The following TMEM165 variants were observed in gnomAD, a reference collection of about 807,000 sequenced individuals.
The protein encoded by TMEM165 is putative divalent cation/proton antiporter TMEM165.
Under a neutral mutation model 30.0 loss-of-function variants are expected in TMEM165, and 19 were observed. That is an observed-to-expected ratio of 0.63 (90% CI 0.44 to 0.93). TMEM165 has a LOEUF of 0.93. TMEM165 is among the 40% of genes least tolerant of loss of function. The pLI is 0.00. For missense variants in TMEM165, 340 were observed against 417.0 expected (o/e 0.82, Z 1.61); for synonymous variants, 168 against 162.9 (o/e 1.03, Z -0.24).
At chr4:55,419,259 T>C (rs1721867343) in intron 4 of TMEM165, among the ~76,000 whole-genome samples, 1 of 152,162 alleles carries the variant, frequency 6.6e-6, no homozygotes, top group African/African-American at 2.4e-5. Context: ...ATAATCCTTC[T>C]GGGATTATAG....
intron 1 of TMEM165, among the ~76,000 whole-genome samples, chr4:55,400,272 A>ATATATTATATATAATATTAT (rs1720911094): frequency 1.2e-5 from 1 of 83,174 alleles, no homozygotes; most frequent in African/African-American, 4.7e-5. Context: ...TATAATATAT[A>ATATATTATATATAATATTAT]ATATAATATT....
chr4:55,435,278 T>C (rs1233813338), intron 3 of TMEM165: 1 of 1,032,050 alleles, frequency 9.7e-7, no homozygotes, highest in African/African-American at 1.6e-5. Context: ...CTCTGCCAAC[T>C]AATTCCAGGA....
At chr4:55,435,711 A>G (rs978570626) in intron 3 of TMEM165, 4 of 1,020,436 alleles carry the variant, frequency 3.9e-6, no homozygotes, top group Non-Finnish European at 3.0e-6. Context: ...TACATAATGC[A>G]TATCACTTTC....
intron 3 of TMEM165, among the ~76,000 whole-genome samples, chr4:55,450,781 A>C (rs1391739199): frequency 6.8e-6 from 1 of 148,076 alleles, no homozygotes; most frequent in Non-Finnish European, 1.5e-5. Flanking sequence ...AAAAAAAAAA[A>C]CATTAACTCA....
At chr4:55,410,692 T>C (rs1179007611) in intron 1 of TMEM165, among the ~76,000 whole-genome samples, 1 of 152,356 alleles carries the variant, frequency 6.6e-6, no homozygotes, top group East Asian at 1.9e-4. Context: ...TCTTACTCTG[T>C]CCTTCAGAGT....
intron 3 of TMEM165, among the ~76,000 whole-genome samples, chr4:55,437,836 T>C (rs1307254607): frequency 2.6e-5 from 4 of 152,184 alleles, no homozygotes; most frequent in African/African-American, 9.7e-5. Context: ...TCCTCTGATA[T>C]TAATTTACAA....
Position 55,445,116 on chromosome 4 carries a change from CTCAA to C in TMEM165, c.409-7122_409-7119del, listed in dbSNP as rs1385801846. On this transcript the variant is annotated intron_variant, in intron 3 of 3. Coordinates refer to the TMEM165 transcript ENST00000608091. Reference sequence around the variant, plus strand: ...GCCAACGGGAAGCTTTTAATATTTTCTCAACCACGTTTAACATATGATATGGTCT... The same window carrying C: ...GCCAACGGGAAGCTTTTAATATTTTCCCACGTTTAACATATGATATGGTCT... Among the ~76,000 whole-genome samples the C allele has an allele frequency of 2.2e-4, 29 of 131,976 alleles. 8 individuals are homozygous for C. Among genetic ancestry groups the C allele is most frequent in the South Asian group, 5.3e-4 (2 of 3,802 alleles). The allele number at this position is 131,976 out of a possible 152,430, so 86.6% of individuals were successfully genotyped here. A position where few individuals can be genotyped will look rare whatever the true frequency, so the allele number is the denominator to read the frequency against.
chr4:55,398,200 C>T (rs1720811798), intron 1 of TMEM165, among the ~76,000 whole-genome samples: 2 of 152,178 alleles, frequency 1.3e-5, no homozygotes, highest in African/African-American at 4.8e-5. Flanking sequence ...GTAGTAATCG[C>T]TATTGAGAAA....
At chr4:55,439,361 T>C (rs937788096) in intron 3 of TMEM165, among the ~76,000 whole-genome samples, 1 of 151,858 alleles carries the variant, frequency 6.6e-6, no homozygotes, top group African/African-American at 2.4e-5. Flanking sequence ...CAAACAACAA[T>C]AGAAAATGAC....
intron 3 of TMEM165, chr4:55,449,315 T>C (rs377183784): frequency 4.9e-5 from 62 of 1,263,500 alleles, no homozygotes; most frequent in East Asian, 3.2e-4. Context: ...GGGTGACAAA[T>C]AGATGAATTT....
chr4:55,396,056 T>C lies in TMEM165; in HGVS notation c.-134T>C. ...ACTCCCGCTGCTTGCACCTCCCGGATGGTGCTGACTGCTCCCTAAGCGGCG... is the reference window on the plus strand; with the variant it reads ...ACTCCCGCTGCTTGCACCTCCCGGACGGTGCTGACTGCTCCCTAAGCGGCG... On this transcript the variant is annotated 5_prime_UTR_variant, in exon 1 of 6. An upstream start codon of the reference 5' UTR is lost. Coordinates refer to ENST00000381334, the MANE Select transcript of TMEM165 (RefSeq NM_018475.5). 2 of 625,374 alleles carry C rather than the reference T, an allele frequency of 3.2e-6. No individual in the cohort carries two copies. The highest frequency in any genetic ancestry group is 5.1e-5 in the South Asian group (1 of 19,586). 38.7% of individuals were successfully genotyped at this position (625,374 alleles called of 1,614,324 possible). A position where few individuals can be genotyped will look rare whatever the true frequency, so the allele number is the denominator to read the frequency against.
At chr4:55,426,990 A>T (rs1218013261), downstream of TMEM165, among the ~76,000 whole-genome samples, 6 of 151,616 alleles carry the variant, frequency 4.0e-5, no homozygotes, top group Admixed American at 2.0e-4. Context: ...ATATTGCCTT[A>T]GATTGTTTGT....
At position 55,444,516 on chromosome 4, in the gene TMEM165, G is replaced by C. The variant is rs868032008; in HGVS notation, c.409-7723G>C. On this transcript the variant is annotated intron_variant, in intron 3 of 3. Coordinates refer to the TMEM165 transcript ENST00000608091. ...AGTAGGTAACCAGTGAATATTTATT[G>C]AACTGAATTGATAAAACGTATCTCT... 5.6e-5 allele frequency: 68 copies of C among 1,211,396 alleles called. No individual in the cohort carries two copies. The Middle Eastern group carries it at 4.4e-3, about 79-fold the overall frequency. The allele number at this position is 1,211,396 out of a possible 1,614,324, so 75.0% of individuals were successfully genotyped here. A position where few individuals can be genotyped will look rare whatever the true frequency, so the allele number is the denominator to read the frequency against.
rs543666042 is a variant in TMEM165 at position 55,413,707 on chromosome 4, T to C, written c.433+1868T>C. Among the ~76,000 whole-genome samples, 7 of 152,374 alleles carry C rather than the reference T, an allele frequency of 4.6e-5. No individual in the cohort carries two copies. The East Asian group carries it at 1.4e-3, about 29-fold the overall frequency. Reference sequence around the variant, plus strand: ...AATAAAATAGTATGAAGAACACTTATATAACTTTTGCCTAGATTCACCTGT... The same window carrying C: ...AATAAAATAGTATGAAGAACACTTACATAACTTTTGCCTAGATTCACCTGT... On this transcript the variant is annotated intron_variant, in intron 2 of 5. Transcript: ENST00000381334.
At chr4:55,433,280 A>T (rs983894494) in intron 3 of TMEM165, 1 of 152,658 alleles carries the variant, frequency 6.6e-6, no homozygotes, top group Admixed American at 6.5e-5. Flanking sequence ...ATTTAGCTAG[A>T]AGAGCTCCTT....
chr4:55,419,094 A>T (rs767224899), intron 4 of TMEM165, among the ~76,000 whole-genome samples: 17 of 152,146 alleles, frequency 1.1e-4, no homozygotes, highest in Non-Finnish European at 2.4e-4. Flanking sequence ...ACTTAAGGAA[A>T]TAAAAACATT....
downstream of TMEM165, among the ~76,000 whole-genome samples, chr4:55,427,220 A>AGAT (rs921627996): frequency 1.0e-4 from 15 of 149,442 alleles, no homozygotes; most frequent in South Asian, 1.7e-3. Flanking sequence ...TTTTTAGTAG[A>AGAT]GATGATGGAG....
chr4:55,443,822 G>C (rs1488292906), intron 3 of TMEM165: 1 of 1,614,008 alleles, frequency 6.2e-7, no homozygotes. Context: ...CAAGTTGCTG[G>C]ATATTAGATG....
chr4:55,420,129 ATTTATTTATTTATTTATTT>A lies in TMEM165; in HGVS notation c.792+2146_792+2164del, dbSNP rs1393289200. Among the ~76,000 whole-genome samples, 76 of 40,310 alleles carry A rather than the reference ATTTATTTATTTATTTATTT, an allele frequency of 1.9e-3. 1 individual carries two copies. The East Asian group carries it at 0.023, about 12-fold the overall frequency. 26.4% of individuals were successfully genotyped at this position (40,310 alleles called of 152,430 possible). ...AAAATATATATATATATACATATATATTTATTTATTTATTTATTTTATTTATTTATTTAATGGCTGTACC... is the reference window on the plus strand; with the variant it reads ...AAAATATATATATATATACATATATATATTTATTTATTTAATGGCTGTACC... On this transcript the variant is annotated intron_variant, in intron 4 of 5. Transcript: ENST00000381334.
Sources: gnomAD v4.1 joint callset for allele counts (sites outside exome capture counted in the v4.1 genomes callset) on GRCh38, gnomAD v4.1.1 for gene constraint, MANE v1.5 for transcripts, NCBI Gene and HGNC (gene_info 2026-07-23, HGNC 2026-07-21) for gene names.